The following SMARCAD1 variants were observed in gnomAD, a reference collection of about 807,000 sequenced individuals.
SMARCAD1 encodes SWI/SNF-related matrix-associated actin-dependent regulator of chromatin subfamily A containing DEAD/H box 1.
SMARCAD1 carries 25 observed loss-of-function variants against 127.1 expected under a neutral mutation model. The ratio of observed to expected loss-of-function variants is 0.20; its 90% CI spans 0.14 to 0.27. The LOEUF is 0.27. SMARCAD1 is among the 10% of genes least tolerant of loss of function. The probability of loss-of-function intolerance (pLI) is 1.00; values close to 1 mark genes in which losing one functional copy is unlikely to be tolerated. For synonymous variants in SMARCAD1, 400 were observed against 396.9 expected (o/e 1.01, Z -0.09); for missense variants, 807 against 1,206.0 (o/e 0.67, Z 4.90).
At chr4:94,211,091 G>T (rs919201641) in intron 2 of SMARCAD1, among the ~76,000 whole-genome samples, 20 of 151,976 alleles carry the variant, frequency 1.3e-4, no homozygotes, top group Non-Finnish European at 8.8e-5. Flanking sequence ...TGACCAACAT[G>T]GAGAAACCCC....
In SMARCAD1 at chr4:94,274,815, T is replaced by G; in HGVS notation, c.1732+18T>G. 1 of 1,613,426 alleles carries G rather than the reference T, an allele frequency of 6.2e-7. No homozygotes were observed. The highest frequency in any genetic ancestry group is 8.5e-7 in the Non-Finnish European group (1 of 1,179,394). ...TTACTATGGTAAGAATATGTCATTC[T>G]GCTTTTAACTTTGGAAATTAAAAAT... On this transcript the variant is annotated intron_variant, in intron 13 of 23. Coordinates refer to ENST00000354268, the MANE Select transcript of SMARCAD1 (RefSeq NM_020159.5).
chr4:94,251,912 CACA>C (rs1749334751), intron 8 of SMARCAD1, among the ~76,000 whole-genome samples: 1 of 152,006 alleles, frequency 6.6e-6, no homozygotes, highest in African/African-American at 2.4e-5. Context: ...AGTGCAGTGG[CACA>C]GTCTCGGCTA....
intron 15 of SMARCAD1, among the ~76,000 whole-genome samples, chr4:94,276,804 C>T (rs1304512648): frequency 1.3e-5 from 2 of 152,124 alleles, no homozygotes; most frequent in Non-Finnish European, 2.9e-5. Context: ...ACACAAGTTA[C>T]CTACTTATAA....
intron 2 of SMARCAD1, among the ~76,000 whole-genome samples, chr4:94,216,294 A>G (rs533856517): frequency 1.3e-5 from 2 of 152,242 alleles, no homozygotes; most frequent in Admixed American, 1.3e-4. Context: ...TGGGGCACAA[A>G]CAGACCATAG....
intron 23 of SMARCAD1, among the ~76,000 whole-genome samples, chr4:94,288,530 G>C (rs561582937): frequency 1.3e-5 from 2 of 152,130 alleles, no homozygotes; most frequent in East Asian, 3.9e-4. Flanking sequence ...AAGAGTTGAT[G>C]TACTATTTTG....
intron 11 of SMARCAD1, among the ~76,000 whole-genome samples, chr4:94,271,922 C>T (rs1410381068): frequency 2.0e-5 from 3 of 152,182 alleles, no homozygotes; most frequent in Non-Finnish European, 2.9e-5. Flanking sequence ...AAGCGCAACA[C>T]AATATTTATA....
At chr4:94,243,076 C>T (rs1454342627) in intron 6 of SMARCAD1, among the ~76,000 whole-genome samples, 1 of 152,276 alleles carries the variant, frequency 6.6e-6, no homozygotes, top group Middle Eastern at 3.4e-3. Flanking sequence ...CTCCTGTCAG[C>T]CTCCCACGTA....
At position 94,208,299 on chromosome 4, in the gene SMARCAD1, A is replaced by G. The variant is rs1489090425; in HGVS notation, c.-49-47A>G. On this transcript the variant is annotated intron_variant, in intron 1 of 23. Transcript: ENST00000354268. The stretch of plus-strand genomic sequence containing the variant: ...ATAAACTGCTGTGGCATTGTATCGT[A>G]TATTGTTTTCATGGCCTTTTTTCCT... 9.4e-6 allele frequency: 12 copies of G among 1,282,528 alleles called. 2 individuals carry two copies. The highest frequency in any genetic ancestry group is 8.3e-5 in the South Asian group (7 of 84,002). The allele number at this position is 1,282,528 out of a possible 1,614,324, so 79.4% of individuals were successfully genotyped here.
intron 9 of SMARCAD1, chr4:94,253,363 C>G: frequency 7.7e-7 from 1 of 1,297,854 alleles, no homozygotes; most frequent in Non-Finnish European, 1.0e-6. Flanking sequence ...TGCTGAGACA[C>G]CATGCAGAAA....
At chr4:94,276,142 G>T (rs890730471) in intron 14 of SMARCAD1, among the ~76,000 whole-genome samples, 197 bp from the exon 15 acceptor site, 1 of 151,898 alleles carries the variant, frequency 6.6e-6, no homozygotes, top group African/African-American at 2.4e-5. Context: ...TCATAGCTTG[G>T]TTACAGTGTA....
intron 10 of SMARCAD1, among the ~76,000 whole-genome samples, chr4:94,268,162 A>G (rs6852926): frequency 0.011 from 1,720 of 152,314 alleles, 33 homozygotes; most frequent in African/African-American, 0.039. Flanking sequence ...TTTCAATGTA[A>G]TAAAACCATT....
At position 94,252,931 on chromosome 4, in the gene SMARCAD1, C is replaced by T. The variant is rs773160467; in HGVS notation, c.1205C>T (p.Thr402Ile). Reference protein sequence around the residue: ...FLQDASIGELTLIPQCSQKKA... With the variant: ...FLQDASIGELILIPQCSQKKA... The stretch of plus-strand genomic sequence containing the variant: ...CAAGATGCTTCAATTGGTGAACTTA[C>T]TTTGATTCCTCAGTGTTCTCAGAAA... Residue 402 changes from threonine (T) to isoleucine (I), a missense_variant, in exon 9 of 24, where the codon ACT (threonine) becomes ATT (isoleucine). This residue lies in a region of SMARCAD1 where 257 missense variants were observed against 303.4 expected (regional missense o/e 0.85). Transcript: ENST00000354268. The T allele has an allele frequency of 6.2e-7, 1 of 1,614,062 alleles. No homozygotes were observed.
At chr4:94,273,797 C>A in intron 12 of SMARCAD1, 81 bp downstream of exon 12, 1 of 1,087,834 alleles carries the variant, frequency 9.2e-7, no homozygotes, top group Non-Finnish European at 1.4e-6. Context: ...GGGTGTGTGT[C>A]GGAGGGGTGT....
chr4:94,210,929 C>CAAAA (rs747690168), intron 2 of SMARCAD1, among the ~76,000 whole-genome samples: 1,130 of 56,552 alleles, frequency 0.02, 56 homozygotes, highest in African/African-American at 0.07. Context: ...GACTGTATCT[C>CAAAA]AAAAAAAAAA....
intron 23 of SMARCAD1, among the ~76,000 whole-genome samples, chr4:94,288,635 T>A (rs1231136695): frequency 2.0e-5 from 3 of 152,124 alleles, no homozygotes; most frequent in African/African-American, 7.2e-5. Context: ...AGATTATAGC[T>A]GAGGTGTATA....
intron 5 of SMARCAD1, among the ~76,000 whole-genome samples, chr4:94,237,903 AGT>A (rs1312098402): frequency 2.0e-5 from 3 of 152,164 alleles, no homozygotes; most frequent in Non-Finnish European, 4.4e-5. Context: ...GTTCAAGCAA[AGT>A]GTATGCACAT....
rs1747494064 is a variant in SMARCAD1 at position 94,240,991 on chromosome 4, G to A, written c.690G>A (p.Lys230=). ...TTAATGATGATCAATCTATAAAAAA[G>A]ACAAGACTGGATCATGTAAGTTTAC... is the stretch of plus-strand genomic sequence containing the variant. The part of the protein sequence containing the change: ...DEFNDDQSIK[K]TRLDHGEESN... Residue 230 remains lysine (K), a synonymous_variant, in exon 6 of 24, where the codon AAG becomes AAA. Transcript: ENST00000354268. 1.2e-6 allele frequency: 2 copies of A among 1,607,856 alleles called. No homozygotes were observed. The highest frequency in any genetic ancestry group is 1.7e-6 in the Non-Finnish European group (2 of 1,175,116).
At chr4:94,255,819 ATTG>A (rs1052723050) in intron 9 of SMARCAD1, among the ~76,000 whole-genome samples, 6 of 152,210 alleles carry the variant, frequency 3.9e-5, no homozygotes, top group African/African-American at 1.4e-4. Context: ...AAATTTAAAT[ATTG>A]TTTTTAAATT....
chr4:94,218,148 GATATGT>G (rs1219424604), intron 2 of SMARCAD1, among the ~76,000 whole-genome samples: 9 of 152,082 alleles, frequency 5.9e-5, no homozygotes, highest in African/African-American at 2.2e-4. Context: ...ATGGAGTTGG[GATATGT>G]CAGTTATATT....
Sources: gnomAD v4.1 joint callset for allele counts (sites outside exome capture counted in the v4.1 genomes callset) on GRCh38, gnomAD v4.1.1 for gene constraint, gnomAD v4.1.1 regional missense constraint, MANE v1.5 for transcripts, NCBI Gene and HGNC (gene_info 2026-07-23, HGNC 2026-07-21) for gene names.